The following TRIM23 variants were observed in gnomAD, a reference collection of about 807,000 sequenced individuals.
The protein encoded by TRIM23 is E3 ubiquitin-protein ligase TRIM23.
TRIM23 carries 27 observed loss-of-function variants against 71.0 expected under a neutral mutation model. The observed-to-expected ratio is 0.38, with a 90% CI of 0.28 to 0.52. The LOEUF (loss-of-function observed/expected upper bound fraction) is 0.52, where lower values mean the gene tolerates loss of function less well. Among genes scored for constraint, TRIM23 ranks in the 20% least tolerant of loss-of-function variants. The pLI is 0.84. For missense variants in TRIM23, 482 were observed against 692.3 expected (o/e 0.70, Z 3.41); for synonymous variants, 234 against 238.0 (o/e 0.98, Z 0.16).
At chr5:65,606,729 T>C (rs1754518344) in intron 6 of TRIM23, among the ~76,000 whole-genome samples, 1 of 152,362 alleles carries the variant, frequency 6.6e-6, no homozygotes, top group East Asian at 1.9e-4. Context: ...CTTGAATCTT[T>C]GCTCAAATCT....
Position 65,610,872 on chromosome 5 carries a change from G to T in TRIM23, c.817C>A (p.His273Asn), listed in dbSNP as rs758185183. 1.2e-6 allele frequency: 2 copies of T among 1,606,716 alleles called. No individual in the cohort carries two copies. The highest frequency in any genetic ancestry group is 1.7e-6 in the Non-Finnish European group (2 of 1,177,702). The change falls in exon 5 of 11, where the codon CAC (histidine) becomes AAC (asparagine). Residue 273 changes from histidine to asparagine, a missense_variant. Physicochemically the swap from His to Asn is moderately conservative, Grantham distance 68. This residue lies in a region of TRIM23 where 307 missense variants were observed against 495.8 expected (regional missense o/e 0.62). Transcript: ENST00000231524. ...QIVEDGIGMAHTEHVPGTAEN... is the reference protein window; with the variant it reads ...QIVEDGIGMANTEHVPGTAEN... Reference sequence around the variant, plus strand: ...AAAAAAATCCATACATGTTCTGTGTGAGCCATTCCAATTCCATCTTCCACG... The same window carrying T: ...AAAAAAATCCATACATGTTCTGTGTTAGCCATTCCAATTCCATCTTCCACG...
At position 65,591,706 on chromosome 5, in the gene TRIM23, A is replaced by G; in HGVS notation, c.*63T>C. 1 of 1,493,084 alleles carries G rather than the reference A, an allele frequency of 6.7e-7. No individual in the cohort carries two copies. The highest frequency in any genetic ancestry group is 9.0e-7 in the Non-Finnish European group (1 of 1,115,978). The allele number at this position is 1,493,084 out of a possible 1,614,324, so 92.5% of individuals were successfully genotyped here. A position where few individuals can be genotyped will look rare whatever the true frequency, so the allele number is the denominator to read the frequency against. The stretch of plus-strand genomic sequence containing the variant: ...CATCTTTTGAGATGTATAATTTCTT[A>G]AAACATACTATGTGCAAAGTTACTT... On this transcript the variant is annotated 3_prime_UTR_variant, in exon 11 of 11. Transcript: ENST00000231524.
Position 65,609,366 on chromosome 5 carries a change from T to A in TRIM23, c.921A>T (p.Leu307=), listed in dbSNP as rs144152471. 85 of 1,614,108 alleles carry A rather than the reference T, an allele frequency of 5.3e-5. No homozygotes were observed. The African/African-American group carries it at 1.1e-3, about 20-fold the overall frequency. The change falls in exon 6 of 11, where the codon CTA becomes CTT. Residue 307 remains leucine (L), a synonymous_variant. Transcript: ENST00000231524. ...ETLCRQEEMA[L]SVVDAHVREK... ...CACGAACATGAGCATCAACAACACT[T>A]AGAGCCATTTCTTCTTGACGACACA...
At chr5:65,596,577 A>G (rs1325010264) in intron 8 of TRIM23, 46 bp from the exon 9 acceptor site, 2 of 1,133,850 alleles carry the variant, frequency 1.8e-6, no homozygotes, top group Non-Finnish European at 2.6e-6. Context: ...TGTATTTACA[A>G]TGAATGACAT....
chr5:65,613,380 G>A (rs563690852), intron 3 of TRIM23, among the ~76,000 whole-genome samples: 5 of 152,204 alleles, frequency 3.3e-5, no homozygotes, highest in South Asian at 2.1e-4. Context: ...AAAGCAATCC[G>A]ACATTTTTTT....
chr5:65,594,674 A>C, intron 9 of TRIM23, 29 bp from the exon 10 acceptor site: 1 of 1,528,448 alleles, frequency 6.5e-7, no homozygotes, highest in Non-Finnish European at 8.8e-7. Flanking sequence ...AAAAAACAAA[A>C]ATAGTCACTT....
chr5:65,592,213 A>C (rs1754058441), intron 10 of TRIM23, among the ~76,000 whole-genome samples: 1 of 152,178 alleles, frequency 6.6e-6, no homozygotes, highest in African/African-American at 2.4e-5. Flanking sequence ...CTAAAAGGAA[A>C]CATACTGCCT....
intron 8 of TRIM23, 113 bp downstream of exon 8, chr5:65,596,938 T>A (rs1235345465): frequency 7.5e-7 from 1 of 1,336,018 alleles, no homozygotes; most frequent in Non-Finnish European, 1.0e-6. Flanking sequence ...GCTGATATCT[T>A]AGAGCCAGAA....
In TRIM23 at chr5:65,618,220, A is replaced by G; in HGVS notation, c.117T>C (p.Ser39=). The G allele has an allele frequency of 6.2e-7, 1 of 1,614,140 alleles. No homozygotes were observed. The highest frequency in any genetic ancestry group is 8.5e-7 in the Non-Finnish European group (1 of 1,180,002). Residue 39 remains serine, a synonymous_variant, in exon 2 of 11, where the codon TCT becomes TCC. Transcript: ENST00000231524. The part of the protein sequence containing the change: ...LECGVCEDVF[S]LQGDKVPRLL... ...GACGGGGAACTTTGTCTCCTTGCAAAGAAAAGACATCTTCACAAACTCCAC... is the reference window on the plus strand; with the variant it reads ...GACGGGGAACTTTGTCTCCTTGCAAGGAAAAGACATCTTCACAAACTCCAC...
intron 7 of TRIM23, among the ~76,000 whole-genome samples, chr5:65,601,045 T>C (rs1373739797): frequency 6.6e-6 from 1 of 152,258 alleles, no homozygotes; most frequent in Non-Finnish European, 1.5e-5. Flanking sequence ...CTGGTGGAAC[T>C]GTAATATGGT....
chr5:65,604,384 C>T (rs1044630765), intron 7 of TRIM23, among the ~76,000 whole-genome samples: 4 of 152,050 alleles, frequency 2.6e-5, no homozygotes, highest in East Asian at 1.9e-4. Flanking sequence ...TGTGAGCCAC[C>T]GCACCCGGCC....
intron 6 of TRIM23, among the ~76,000 whole-genome samples, chr5:65,608,988 A>G (rs1254299620): frequency 1.3e-5 from 2 of 152,186 alleles, no homozygotes; most frequent in East Asian, 3.8e-4. Flanking sequence ...AGAAGAGTAA[A>G]AGGATTTGGC....
intron 1 of TRIM23, 60 bp from the exon 2 acceptor site, chr5:65,618,315 G>A: frequency 1.4e-6 from 2 of 1,460,086 alleles, no homozygotes; most frequent in Non-Finnish European, 1.8e-6. Context: ...ACATATTTTA[G>A]GTATATAAGA....
chr5:65,592,429 G>A (rs1164939879), intron 10 of TRIM23, among the ~76,000 whole-genome samples: 3 of 151,990 alleles, frequency 2.0e-5, no homozygotes, highest in Non-Finnish European at 4.4e-5. Flanking sequence ...GTTTCACCAT[G>A]TTAGTCAGGC....
intron 1 of TRIM23, among the ~76,000 whole-genome samples, chr5:65,623,242 G>A (rs1361088829): frequency 1.3e-5 from 2 of 152,190 alleles, no homozygotes; most frequent in South Asian, 2.1e-4. Flanking sequence ...AACCCTGGTT[G>A]CACATTAAAA....
At chr5:65,613,495 T>C (rs1247828587) in intron 3 of TRIM23, among the ~76,000 whole-genome samples, 2 of 152,242 alleles carry the variant, frequency 1.3e-5, no homozygotes. Flanking sequence ...AGCCATGTCC[T>C]ATAGTACATA....
intron 7 of TRIM23, among the ~76,000 whole-genome samples, chr5:65,598,276 T>C (rs1035953074): frequency 6.6e-6 from 1 of 152,140 alleles, no homozygotes; most frequent in African/African-American, 2.4e-5. Flanking sequence ...GTGAGAACTC[T>C]AGAGAACAGT....
intron 10 of TRIM23, 78 bp downstream of exon 10, chr5:65,594,443 T>C (rs1754136947): frequency 1.4e-6 from 2 of 1,476,750 alleles, no homozygotes; most frequent in African/African-American, 1.4e-5. Flanking sequence ...GAACTGATTG[T>C]CTTCTGAAAT....
At chr5:65,600,494 A>G (rs891163120) in intron 7 of TRIM23, among the ~76,000 whole-genome samples, 1 of 152,062 alleles carries the variant, frequency 6.6e-6, no homozygotes, top group Admixed American at 6.6e-5. Context: ...TACACCACCT[A>G]AAAAAATTAA....
Sources: gnomAD v4.1 joint callset for allele counts (sites outside exome capture counted in the v4.1 genomes callset) on GRCh38, gnomAD v4.1.1 for gene constraint, gnomAD v4.1.1 regional missense constraint, MANE v1.5 for transcripts, NCBI Gene and HGNC (gene_info 2026-07-23, HGNC 2026-07-21) for gene names.